SGCD: variants seen among roughly 807,000 people sequenced by gnomAD.
The protein encoded by SGCD is sarcoglycan delta, also known as delta-sarcoglycan.
A neutral mutation model predicts 36.6 loss-of-function variants in SGCD; 18 were observed. That is an observed-to-expected ratio of 0.49 (90% CI 0.34 to 0.73). The LOEUF (loss-of-function observed/expected upper bound fraction) is 0.73, where lower values mean the gene tolerates loss of function less well. Among genes scored for constraint, SGCD ranks in the 30% least tolerant of loss-of-function variants. SGCD has a pLI of 0.01. For missense variants in SGCD, 387 were observed against 346.7 expected (o/e 1.12, Z -0.92); for synonymous variants, 133 against 130.6 (o/e 1.02, Z -0.12).
chr5:156,234,933 A>C (rs374153519), intron 3 of SGCD, among the ~76,000 whole-genome samples: 8 of 152,320 alleles, frequency 5.3e-5, no homozygotes, highest in Non-Finnish European at 4.4e-5. Context: ...GCTTTCTATT[A>C]CTTGCAACCA....
the SGCD span, among the ~76,000 whole-genome samples, chr5:155,796,916 C>T: frequency 2.1e-3 from 312 of 146,468 alleles, 1 homozygote; most frequent in African/African-American, 5.5e-3. Context: ...GATGAAAATA[C>T]GAGGTAAAAT....
rs33983852 is a variant in SGCD at position 156,122,843 on chromosome 5, T to TAAAAAAAA, written c.-207-979_-207-972dup. Among the ~76,000 whole-genome samples, 48 of 54,158 alleles carry TAAAAAAAA rather than the reference T, an allele frequency of 8.9e-4. 8 individuals carry two copies. The highest frequency in any genetic ancestry group is 1.0e-3 in the Admixed American group (4 of 3,960). The allele number at this position is 54,158 out of a possible 152,430, so 35.5% of individuals were successfully genotyped here. ...ACCAGCATGGTAGTAAAAGATGTGG[T>TAAAAAAAA]AAAAAAAAAAAAAAAAAAAAAAAAA... On this transcript the variant is annotated intron_variant, in intron 2 of 9. Transcript: ENST00000517913.
chr5:156,063,523 G>A (rs1760287022), intron 1 of SGCD, among the ~76,000 whole-genome samples: 2 of 127,016 alleles, frequency 1.6e-5, no homozygotes, highest in South Asian at 4.7e-4. Context: ...ATTACCTTGG[G>A]CAGTATGGCC....
chr5:156,756,662 ATAAT>A (rs1757346726), intron 7 of SGCD, among the ~76,000 whole-genome samples: 1 of 152,244 alleles, frequency 6.6e-6, no homozygotes, highest in African/African-American at 2.4e-5. Flanking sequence ...TTTTGCCATC[ATAAT>A]TAGCATAGAA....
chr5:156,508,563 A>G, intron 3 of SGCD, 38 bp from the exon 4 acceptor site: 1 of 1,346,706 alleles, frequency 7.4e-7, no homozygotes, highest in South Asian at 1.2e-5. Context: ...AATTTTGGCT[A>G]ATCATATCTT....
intron 3 of SGCD, among the ~76,000 whole-genome samples, chr5:156,229,633 A>G (rs1012863456): frequency 1.3e-5 from 2 of 152,042 alleles, no homozygotes; most frequent in African/African-American, 4.8e-5. Context: ...TAACCTGATG[A>G]CAATGTGCCT....
intron 3 of SGCD, among the ~76,000 whole-genome samples, chr5:156,124,733 AT>A (rs1386044192): frequency 1.3e-5 from 2 of 152,078 alleles, no homozygotes; most frequent in East Asian, 1.9e-4. Context: ...ATATGTACGT[AT>A]ATATAGATAG....
At chr5:156,098,349 C>A (rs1761430588) in intron 1 of SGCD, among the ~76,000 whole-genome samples, 1 of 152,050 alleles carries the variant, frequency 6.6e-6, no homozygotes. Context: ...ATTATATATG[C>A]ACCCAAATTC....
intron 3 of SGCD, among the ~76,000 whole-genome samples, chr5:156,244,537 G>A (rs1765393519): frequency 6.6e-6 from 1 of 152,116 alleles, no homozygotes; most frequent in African/African-American, 2.4e-5. Context: ...CAGTGTTTTA[G>A]TATTGAATGG....
intron 1 of SGCD, among the ~76,000 whole-genome samples, chr5:155,992,907 C>T (rs57123572): frequency 0.045 from 6,906 of 152,252 alleles, 551 homozygotes; most frequent in African/African-American, 0.16. Flanking sequence ...GGTTAGCAAA[C>T]ATAGTGCCTC....
chr5:156,083,408 C>T (rs773296941), intron 1 of SGCD, among the ~76,000 whole-genome samples: 2 of 151,888 alleles, frequency 1.3e-5, no homozygotes, highest in Non-Finnish European at 2.9e-5. Context: ...GATTCTCCCA[C>T]CACAGCCTCC....
intron 4 of SGCD, among the ~76,000 whole-genome samples, chr5:156,552,482 G>A (rs2113205257): frequency 6.6e-6 from 1 of 152,266 alleles, no homozygotes; most frequent in Admixed American, 6.5e-5. Flanking sequence ...TTGTAAATAA[G>A]TCACAGCAAT....
chr5:155,812,583 A>G, the SGCD span, among the ~76,000 whole-genome samples: 1 of 152,200 alleles, frequency 6.6e-6, no homozygotes, highest in Non-Finnish European at 1.5e-5. Flanking sequence ...CAGCATGTCA[A>G]TAGGGAAACA....
chr5:156,559,630 C>CT (rs1462849267), intron 4 of SGCD, among the ~76,000 whole-genome samples: 2 of 152,144 alleles, frequency 1.3e-5, no homozygotes, highest in Non-Finnish European at 2.9e-5. Context: ...GCTTCCTCAT[C>CT]TGTAAAATGG....
chr5:156,165,735 T>A (rs1438985021), intron 3 of SGCD, among the ~76,000 whole-genome samples: 1 of 152,220 alleles, frequency 6.6e-6, no homozygotes, highest in East Asian at 1.9e-4. Flanking sequence ...ATCAAACTGT[T>A]TGAAAGTTAC....
intron 1 of SGCD, among the ~76,000 whole-genome samples, chr5:155,883,776 C>A: frequency 8.8e-6 from 1 of 113,394 alleles, no homozygotes; most frequent in Admixed American, 9.7e-5. Flanking sequence ...GCAGGGTTAC[C>A]ACAAACCTTC....
chr5:155,894,384 C>T (rs893917105), intron 1 of SGCD, among the ~76,000 whole-genome samples: 7 of 152,026 alleles, frequency 4.6e-5, no homozygotes, highest in South Asian at 2.1e-4. Context: ...TTATGAGGTG[C>T]GTGACTTTAT....
At chr5:156,068,033 AAC>A (rs1242225642) in intron 1 of SGCD, among the ~76,000 whole-genome samples, 2 of 151,646 alleles carry the variant, frequency 1.3e-5, no homozygotes, top group African/African-American at 2.4e-5. Context: ...GTAACTGACC[AAC>A]AGTCTTCACT....
chr5:155,993,764 C>T (rs1465345481), intron 1 of SGCD, among the ~76,000 whole-genome samples: 1 of 152,152 alleles, frequency 6.6e-6, no homozygotes, highest in Non-Finnish European at 1.5e-5. Flanking sequence ...ATGTGGGGGC[C>T]AGTTTGGTCT....
Sources: gnomAD v4.1 joint callset for allele counts (sites outside exome capture counted in the v4.1 genomes callset) on GRCh38, gnomAD v4.1.1 for gene constraint, MANE v1.5 for transcripts, NCBI Gene and HGNC (gene_info 2026-07-23, HGNC 2026-07-21) for gene names.